Variants in SEM1 observed in about 807,000 individuals in gnomAD.
SEM1 encodes 26S proteasome complex subunit SEM1.
Under a neutral mutation model 12.7 loss-of-function variants are expected in SEM1, and 3 were observed. That is an observed-to-expected ratio of 0.24 (90% CI 0.11 to 0.61). The LOEUF (loss-of-function observed/expected upper bound fraction) is 0.61. Ranked by LOEUF, SEM1 falls within the 20% of genes least tolerant of loss-of-function variation. The probability of loss-of-function intolerance (pLI) is 0.88; values close to 1 mark genes in which losing one functional copy is unlikely to be tolerated. For missense variants in SEM1, 59 were observed against 81.3 expected, an observed-to-expected ratio of 0.73 and a Z score of 1.06; for synonymous variants, 30 against 27.8, an observed-to-expected ratio of 1.08 and a Z score of -0.25.
intron 1 of SEM1, among the ~76,000 whole-genome samples, chr7:96,493,389 C>A (rs1335965120): frequency 6.6e-6 from 1 of 152,090 alleles, no homozygotes; most frequent in Non-Finnish European, 1.5e-5. Context: ...CAGCGTTCTT[C>A]CAGCTTTCCA....
At chr7:96,647,602 G>T (rs1026593105) in intron 2 of SEM1, 1 of 152,074 alleles carries the variant, frequency 6.6e-6, no homozygotes, top group Non-Finnish European at 1.5e-5. Flanking sequence ...GCCTCTTGCA[G>T]GGACTCTAAT....
intron 2 of SEM1, among the ~76,000 whole-genome samples, chr7:96,646,178 A>G (rs2116417496): frequency 6.6e-6 from 1 of 152,256 alleles, no homozygotes; most frequent in East Asian, 1.9e-4. Flanking sequence ...TTTTGTAAAT[A>G]AAGTTTTATT....
intron 2 of SEM1, among the ~76,000 whole-genome samples, chr7:96,692,254 A>T (rs1007368966): frequency 6.6e-6 from 1 of 152,208 alleles, no homozygotes; most frequent in Non-Finnish European, 1.5e-5. Context: ...ACAATGTATC[A>T]ATCAGTTTTA....
At chr7:96,695,261 AT>A (rs1790052907) in intron 1 of SEM1, 1 of 163,556 alleles carries the variant, frequency 6.1e-6, no homozygotes, top group Non-Finnish European at 1.3e-5. Flanking sequence ...CCAGTGTGAA[AT>A]TCAAAACTGC....
chr7:96,495,553 A>G (rs1283471545), intron 1 of SEM1, among the ~76,000 whole-genome samples: 1 of 152,154 alleles, frequency 6.6e-6, no homozygotes, highest in Non-Finnish European at 1.5e-5. Context: ...ACAATACTCT[A>G]TCACTGTCAG....
chr7:96,573,937 T>A (rs940064308), intron 2 of SEM1, among the ~76,000 whole-genome samples: 52 of 40,546 alleles, frequency 1.3e-3, no homozygotes, highest in Non-Finnish European at 4.4e-3. Context: ...ATTTTTTTTT[T>A]TAATATTTTT....
chr7:96,703,774 A>C (rs1790347401), intron 1 of SEM1, among the ~76,000 whole-genome samples: 1 of 152,038 alleles, frequency 6.6e-6, no homozygotes, highest in African/African-American at 2.4e-5. Context: ...AACGAGACCA[A>C]ATCTCCACAA....
intron 2 of SEM1, among the ~76,000 whole-genome samples, chr7:96,692,461 T>C (rs1373457543): frequency 6.6e-6 from 1 of 152,106 alleles, no homozygotes; most frequent in Admixed American, 6.5e-5. Context: ...ATAAATAGTC[T>C]AATAGCATAA....
At chr7:96,588,353 A>C (rs924462579) in intron 2 of SEM1, among the ~76,000 whole-genome samples, 3 of 140,946 alleles carry the variant, frequency 2.1e-5, no homozygotes, top group East Asian at 4.2e-4. Context: ...TCTAAAAACA[A>C]ACACACACAC....
intron 2 of SEM1, among the ~76,000 whole-genome samples, chr7:96,638,596 A>G (rs1024217452): frequency 6.6e-6 from 1 of 151,974 alleles, no homozygotes; most frequent in African/African-American, 2.4e-5. Flanking sequence ...TCTATCTAGT[A>G]ACATAATTAC....
At chr7:96,575,073 G>C (rs901415157) in intron 2 of SEM1, among the ~76,000 whole-genome samples, 1 of 152,146 alleles carries the variant, frequency 6.6e-6, no homozygotes, top group Non-Finnish European at 1.5e-5. Context: ...CAGCCTTTTT[G>C]CACTGGTTTT....
At chr7:96,604,364 G>T (rs1807281977) in intron 2 of SEM1, among the ~76,000 whole-genome samples, 1 of 152,130 alleles carries the variant, frequency 6.6e-6, no homozygotes, top group Admixed American at 6.5e-5. Context: ...AAGACATTAT[G>T]GTTGCCCCCT....
chr7:96,485,002 A>G (rs540634260), intron 2 of SEM1: 18 of 393,234 alleles, frequency 4.6e-5, no homozygotes, highest in South Asian at 3.8e-4. Context: ...GCCTCATAGT[A>G]TATAGCACTG....
At position 96,535,546 on chromosome 7, in the gene SEM1, C is replaced by T. The variant is rs189186549; in HGVS notation, c.171-28848G>A. 4.5e-3 allele frequency among the ~76,000 whole-genome samples: 684 copies of T among 151,944 alleles called. 2 individuals carry two copies. The highest frequency in any genetic ancestry group is 8.0e-3 in the Non-Finnish European group (546 of 67,874). On this transcript the variant is annotated intron_variant and NMD_transcript_variant, in intron 2 of 3. Coordinates refer to the SEM1 transcript ENST00000466986. ...ACTCACAACTTGGAAATTTCACGTA[C>T]AGATTCTTTCATCACCCAGGCACTA...
At chr7:96,648,863 G>A (rs1025619682) in intron 2 of SEM1, among the ~76,000 whole-genome samples, 4 of 152,220 alleles carry the variant, frequency 2.6e-5, no homozygotes, top group African/African-American at 7.2e-5. Context: ...GGGGTGGGGC[G>A]TGGTGCTGAA....
intron 2 of SEM1, among the ~76,000 whole-genome samples, chr7:96,592,772 A>G (rs2116144361): frequency 6.6e-6 from 1 of 152,082 alleles, no homozygotes; most frequent in Middle Eastern, 3.4e-3. Flanking sequence ...TTGTTTTTCC[A>G]CACAGCATGA....
At chr7:96,483,603 ACT>A (rs1400660174) in exon 4 of SEM1, 1 of 461,950 alleles carries the variant, frequency 2.2e-6, no homozygotes, top group Non-Finnish European at 4.0e-6. Flanking sequence ...TGGAGAAGTC[ACT>A]GTCTGAAACA....
chr7:96,577,849 T>G (rs574378360), intron 2 of SEM1, among the ~76,000 whole-genome samples: 1 of 149,740 alleles, frequency 6.7e-6, no homozygotes, highest in Non-Finnish European at 1.5e-5. Flanking sequence ...CAAGAGTCAA[T>G]AGAATGAAAG....
chr7:96,610,797 G>C (rs530786924), intron 2 of SEM1, among the ~76,000 whole-genome samples: 1 of 152,174 alleles, frequency 6.6e-6, no homozygotes, highest in Non-Finnish European at 1.5e-5. Context: ...TGTTCACAGC[G>C]TTGCTGTTGG....
Sources: gnomAD v4.1 joint callset for allele counts (sites outside exome capture counted in the v4.1 genomes callset) on GRCh38, gnomAD v4.1.1 for gene constraint, MANE v1.5 for transcripts, NCBI Gene and HGNC (gene_info 2026-07-23, HGNC 2026-07-21) for gene names.